BCAS3: variants seen among roughly 807,000 people sequenced by gnomAD.
BCAS3 encodes BCAS4/BCAS3 fusion.
Under a neutral mutation model 116.1 loss-of-function variants are expected in BCAS3, and 53 were observed. That is an observed-to-expected ratio of 0.46 (90% CI 0.37 to 0.57). The LOEUF (loss-of-function observed/expected upper bound fraction) is 0.57. BCAS3 is among the 20% of genes least tolerant of loss of function. The pLI is 0.00. For missense variants in BCAS3, 917 were observed against 1,165.4 expected (o/e 0.79, Z 3.10); for synonymous variants, 391 against 408.2 (o/e 0.96, Z 0.51).
At chr17:61,069,790 C>T in intron 19 of BCAS3, 2 of 674,400 alleles carry the variant, frequency 3.0e-6, no homozygotes, top group Non-Finnish European at 5.2e-6. Flanking sequence ...GAGCCGAGAT[C>T]ATGCCACTGC....
chr17:60,834,437 T>C (rs2051196695), intron 7 of BCAS3, among the ~76,000 whole-genome samples: 1 of 152,046 alleles, frequency 6.6e-6, no homozygotes, highest in African/African-American at 2.4e-5. Flanking sequence ...ATTTTGGCTT[T>C]ACTTCATTTC....
intron 22 of BCAS3, among the ~76,000 whole-genome samples, chr17:61,165,504 T>G (rs1211923622): frequency 1.3e-5 from 2 of 152,160 alleles, no homozygotes; most frequent in African/African-American, 2.4e-5. Context: ...CTGACCAACA[T>G]GGAGAAACCC....
Position 61,391,944 on chromosome 17 carries a change from T to C in BCAS3, c.2594-33T>C, listed in dbSNP as rs1267140003. 4 of 1,606,874 alleles carry C rather than the reference T, an allele frequency of 2.5e-6. No homozygotes were observed. Among genetic ancestry groups the C allele is most frequent in the Non-Finnish European group, 3.4e-6 (4 of 1,176,730 alleles). ...TGCCCCCACTCCCCAGACCCAACTC[T>C]AACCAGGCCTGGCCCTCTCCTGTGT... On this transcript the variant is annotated intron_variant, in intron 23 of 23. Coordinates refer to ENST00000407086, the MANE Select transcript of BCAS3 (RefSeq NM_017679.5). This position sits in a 1 kb window ranked among gnomAD's most constrained non-coding sequence, Gnocchi z 7.7.
At chr17:61,109,061 C>A (rs2074875699) in intron 22 of BCAS3, among the ~76,000 whole-genome samples, 1 of 151,948 alleles carries the variant, frequency 6.6e-6, no homozygotes, top group South Asian at 2.1e-4. Flanking sequence ...TAGTACATGC[C>A]TGTAATCCCA....
At chr17:61,340,817 A>T (rs2057095693) in intron 22 of BCAS3, among the ~76,000 whole-genome samples, 1 of 152,138 alleles carries the variant, frequency 6.6e-6, no homozygotes, top group African/African-American at 2.4e-5. Flanking sequence ...TGTATTATAC[A>T]CCCTGGTGAG....
chr17:61,372,884 T>A (rs1054607699), intron 23 of BCAS3, among the ~76,000 whole-genome samples: 1 of 152,126 alleles, frequency 6.6e-6, no homozygotes, highest in Non-Finnish European at 1.5e-5. Flanking sequence ...ATTCCAACTG[T>A]TTTGTGTCTA....
At chr17:61,308,255 C>A (rs1323735899) in intron 22 of BCAS3, among the ~76,000 whole-genome samples, 1 of 152,132 alleles carries the variant, frequency 6.6e-6, no homozygotes, top group Non-Finnish European at 1.5e-5. Context: ...TACAGCCCAT[C>A]ATGATGATAG....
intron 22 of BCAS3, among the ~76,000 whole-genome samples, chr17:61,292,243 C>T (rs1420808613): frequency 6.6e-6 from 1 of 152,098 alleles, no homozygotes; most frequent in Non-Finnish European, 1.5e-5. Flanking sequence ...CCCACCCCAC[C>T]CCCACTTTCC....
intron 22 of BCAS3, among the ~76,000 whole-genome samples, chr17:61,252,234 G>T (rs73328814): frequency 6.6e-6 from 1 of 151,924 alleles, no homozygotes; most frequent in Non-Finnish European, 1.5e-5. Flanking sequence ...ACCAGAAGGA[G>T]TCCAGTTCTC....
intron 5 of BCAS3, among the ~76,000 whole-genome samples, chr17:60,723,180 A>T (rs2039435725): frequency 6.6e-6 from 1 of 152,054 alleles, no homozygotes; most frequent in Non-Finnish European, 1.5e-5. Flanking sequence ...TCATTCTTTC[A>T]GTCTCTGTAT....
chr17:60,759,597 T>A (rs2043313521), intron 6 of BCAS3, among the ~76,000 whole-genome samples: 1 of 151,962 alleles, frequency 6.6e-6, no homozygotes, highest in Non-Finnish European at 1.5e-5. Flanking sequence ...ATTCTCTTGC[T>A]GGATTGACTC....
In BCAS3 at chr17:60,961,939, A is replaced by G. The variant is rs1038562694; in HGVS notation, c.1221+14587A>G. Among the ~76,000 whole-genome samples the G allele has an allele frequency of 1.3e-5, 2 of 152,178 alleles. No individual in the cohort carries two copies. The highest frequency in any genetic ancestry group is 4.8e-5 in the African/African-American group (2 of 41,452). The stretch of plus-strand genomic sequence containing the variant: ...TCCCACCTAGGAGTGAGATCATGCA[A>G]CATTTCACTGTGCCTGGTTTGTTTC... On this transcript the variant is annotated intron_variant, in intron 14 of 23. Transcript: ENST00000407086. The surrounding 1 kb of genome is among the most constrained non-coding windows in gnomAD (Gnocchi z 4.8).
rs922528237 is a variant in BCAS3 at position 61,144,164 on chromosome 17, C to T, written c.2425+59600C>T. On this transcript the variant is annotated intron_variant, in intron 22 of 23. Transcript: ENST00000407086. The surrounding 1 kb of genome is among the most constrained non-coding windows in gnomAD (Gnocchi z 5.0). ...CCCTATTTTTTGCCACTGGTAAACTCCTGCCTAGAGGAATGCCAGAGGCAG... is the reference window on the plus strand; with the variant it reads ...CCCTATTTTTTGCCACTGGTAAACTTCTGCCTAGAGGAATGCCAGAGGCAG... Among the ~76,000 whole-genome samples the T allele has an allele frequency of 6.6e-6, 1 of 152,072 alleles. No homozygotes were observed. Among genetic ancestry groups the T allele is most frequent in the Non-Finnish European group, 1.5e-5 (1 of 68,020 alleles).
At chr17:60,811,321 G>T in intron 7 of BCAS3, 1 of 715,550 alleles carries the variant, frequency 1.4e-6, no homozygotes, top group Non-Finnish European at 2.4e-6. Flanking sequence ...GTCACCTGCT[G>T]GAAGATGGTG....
At chr17:60,720,873 T>C (rs2039159531) in intron 5 of BCAS3, among the ~76,000 whole-genome samples, 1 of 152,192 alleles carries the variant, frequency 6.6e-6, no homozygotes, top group Non-Finnish European at 1.5e-5. Context: ...GTATTTTCTT[T>C]TCAAAAGTTA....
chr17:61,223,358 C>T (rs1008376783), intron 22 of BCAS3, among the ~76,000 whole-genome samples: 1 of 152,010 alleles, frequency 6.6e-6, no homozygotes, highest in Non-Finnish European at 1.5e-5. Flanking sequence ...GGGGTTTCAC[C>T]ATGTTGGTCA....
chr17:61,287,367 TG>T (rs1312564545), intron 22 of BCAS3, among the ~76,000 whole-genome samples: 1 of 151,846 alleles, frequency 6.6e-6, no homozygotes, highest in Non-Finnish European at 1.5e-5. Context: ...TGGGGAAAAT[TG>T]TCTGCCATAC....
intron 22 of BCAS3, among the ~76,000 whole-genome samples, chr17:61,137,290 G>A (rs188275803): frequency 5.3e-5 from 8 of 152,212 alleles, no homozygotes; most frequent in South Asian, 2.1e-4. Context: ...TACATGACTC[G>A]GCTTCTGTCT....
chr17:60,972,384 G>T (rs1420562029), intron 14 of BCAS3, among the ~76,000 whole-genome samples: 1 of 151,806 alleles, frequency 6.6e-6, no homozygotes, highest in Non-Finnish European at 1.5e-5. Flanking sequence ...GCATGGCAGG[G>T]GAAGCTACCC....
Sources: allele counts gnomAD v4.1 joint callset (sites outside exome capture counted in the v4.1 genomes callset), GRCh38; gene constraint gnomAD v4.1.1; non-coding constraint Gnocchi (gnomAD v3.1); transcripts MANE v1.5; gene names NCBI Gene and HGNC (gene_info 2026-07-23, HGNC 2026-07-21).